The following DLG2 variants were observed in gnomAD, a reference collection of about 807,000 sequenced individuals.
DLG2 encodes the protein discs large MAGUK scaffold protein 2, also known as disks large homolog 2.
A neutral mutation model predicts 132.5 loss-of-function variants in DLG2; 45 were observed. That is an observed-to-expected ratio of 0.34 (90% CI 0.27 to 0.44). The LOEUF (loss-of-function observed/expected upper bound fraction) is 0.44. Ranked by LOEUF, DLG2 falls within the 20% of genes least tolerant of loss-of-function variation. The pLI, the probability that DLG2 is intolerant of heterozygous loss-of-function variation, is 1.00. For synonymous variants in DLG2, 424 were observed against 419.6 expected, an observed-to-expected ratio of 1.01 and a Z score of -0.13; for missense variants, 1,045 against 1,196.9, an observed-to-expected ratio of 0.87 and a Z score of 1.87.
intron 6 of DLG2, among the ~76,000 whole-genome samples, chr11:84,856,803 C>T (rs972596972): frequency 3.3e-5 from 5 of 152,026 alleles, no homozygotes; most frequent in African/African-American, 9.7e-5. Context: ...TTCTCTCAGC[C>T]TCTTTCTGCC....
chr11:83,487,374 G>C (rs1423605960), intron 21 of DLG2, among the ~76,000 whole-genome samples: 1 of 152,016 alleles, frequency 6.6e-6, no homozygotes, highest in Admixed American at 6.6e-5. Flanking sequence ...GGTTCCAAAA[G>C]CTCTACATGA....
intron 3 of DLG2, among the ~76,000 whole-genome samples, chr11:85,342,727 G>T (rs534359475): frequency 6.6e-6 from 1 of 152,202 alleles, no homozygotes; most frequent in South Asian, 2.1e-4. Context: ...CGCCACAAAC[G>T]CATGAGTAAT....
chr11:83,501,198 TTTTC>T (rs2094437510), intron 21 of DLG2, among the ~76,000 whole-genome samples: 1 of 130,866 alleles, frequency 7.6e-6, no homozygotes, highest in South Asian at 2.4e-4. Flanking sequence ...TCTGTTTTTC[TTTTC>T]TTTTTTTTTT....
chr11:84,815,784 A>G (rs1191796163), intron 6 of DLG2, among the ~76,000 whole-genome samples: 1 of 152,014 alleles, frequency 6.6e-6, no homozygotes, highest in Non-Finnish European at 1.5e-5. Context: ...AACTGGGAGG[A>G]ATGCATAAAA....
At chr11:85,445,872 C>T (rs1357814163) in intron 3 of DLG2, among the ~76,000 whole-genome samples, 2 of 152,244 alleles carry the variant, frequency 1.3e-5, no homozygotes, top group East Asian at 3.9e-4. Flanking sequence ...ATGGAGGAAA[C>T]CATGGAGGCT....
At chr11:85,555,571 G>A (rs1361652795) in intron 3 of DLG2, among the ~76,000 whole-genome samples, 2 of 151,822 alleles carry the variant, frequency 1.3e-5, no homozygotes, top group Admixed American at 6.6e-5. Context: ...TACGAGGAGG[G>A]ACTCTCTCTG....
At chr11:84,967,380 C>T (rs2053494442) in intron 6 of DLG2, among the ~76,000 whole-genome samples, 1 of 151,988 alleles carries the variant, frequency 6.6e-6, no homozygotes, top group African/African-American at 2.4e-5. Flanking sequence ...GCCAAGGTAG[C>T]CCTGATAGAA....
At chr11:84,279,506 C>T (rs1342857404) in intron 7 of DLG2, among the ~76,000 whole-genome samples, 1 of 152,164 alleles carries the variant, frequency 6.6e-6, no homozygotes, top group African/African-American at 2.4e-5. Context: ...GACAAATGCA[C>T]ATGTATGTTT....
At chr11:84,021,151 C>A (rs895177799) in intron 11 of DLG2, among the ~76,000 whole-genome samples, 1 of 152,090 alleles carries the variant, frequency 6.6e-6, no homozygotes, top group African/African-American at 2.4e-5. Flanking sequence ...TATTTTCTAG[C>A]CCCTTTATAT....
At chr11:85,439,515 A>C (rs2091667629) in intron 3 of DLG2, among the ~76,000 whole-genome samples, 1 of 151,718 alleles carries the variant, frequency 6.6e-6, no homozygotes, top group Non-Finnish European at 1.5e-5. Context: ...ACCCACCACC[A>C]CACCCGGCTA....
chr11:85,122,738 A>G (rs906238777), intron 5 of DLG2, among the ~76,000 whole-genome samples: 2 of 151,630 alleles, frequency 1.3e-5, no homozygotes, highest in Middle Eastern at 3.2e-3. Flanking sequence ...TGAACAAACA[A>G]AATTTTGAAT....
intron 19 of DLG2, among the ~76,000 whole-genome samples, chr11:83,607,798 C>T (rs1475285786): frequency 1.3e-5 from 2 of 152,144 alleles, no homozygotes; most frequent in Admixed American, 6.5e-5. Flanking sequence ...AAGCAGCAGA[C>T]TACTCAAATA....
intron 7 of DLG2, among the ~76,000 whole-genome samples, chr11:84,270,144 A>G (rs993975144): frequency 1.3e-5 from 2 of 152,248 alleles, no homozygotes; most frequent in Non-Finnish European, 2.9e-5. Context: ...CCTAATATCC[A>G]AAAATACTGA....
chr11:83,991,664 A>C (rs1338321352), intron 11 of DLG2, among the ~76,000 whole-genome samples: 1 of 151,910 alleles, frequency 6.6e-6, no homozygotes, highest in Non-Finnish European at 1.5e-5. Context: ...TCCTTACCAT[A>C]ATAACTGAAG....
intron 6 of DLG2, among the ~76,000 whole-genome samples, chr11:84,912,732 T>C (rs1398485850): frequency 6.6e-6 from 1 of 151,952 alleles, no homozygotes; most frequent in African/African-American, 2.4e-5. Context: ...GGATGGGAAG[T>C]ATAGCTGGAA....
chr11:84,625,106 C>T (rs1214971870), intron 6 of DLG2, among the ~76,000 whole-genome samples: 3 of 151,682 alleles, frequency 2.0e-5, no homozygotes, highest in East Asian at 1.9e-4. Context: ...GTGATCCGCC[C>T]GCCTCGGCCT....
At chr11:85,218,219 G>A (rs145435016) in intron 4 of DLG2, among the ~76,000 whole-genome samples, 564 of 152,180 alleles carry the variant, frequency 3.7e-3, no homozygotes, top group Non-Finnish European at 5.6e-3. Context: ...AACTAAAAAG[G>A]TTCTGCACAG....
chr11:84,835,549 T>C (rs1009349667), intron 6 of DLG2, among the ~76,000 whole-genome samples: 9 of 151,820 alleles, frequency 5.9e-5, no homozygotes, highest in African/African-American at 2.2e-4. Context: ...ATTGTTGTTA[T>C]GCAGTGATTT....
At chr11:84,171,850 A>G (rs2154269922) in intron 8 of DLG2, among the ~76,000 whole-genome samples, 1 of 152,322 alleles carries the variant, frequency 6.6e-6, no homozygotes, top group East Asian at 1.9e-4. Flanking sequence ...GACAAAACAC[A>G]TTACAAAAGC....
Sources: gnomAD v4.1 joint callset for allele counts (sites outside exome capture counted in the v4.1 genomes callset) on GRCh38, gnomAD v4.1.1 for gene constraint, MANE v1.5 for transcripts, NCBI Gene and HGNC (gene_info 2026-07-23, HGNC 2026-07-21) for gene names.